DOCK1: variants seen among roughly 807,000 people sequenced by gnomAD.
The protein encoded by DOCK1 is dedicator of cytokinesis protein 1.
A neutral mutation model predicts 262.7 loss-of-function variants in DOCK1; 138 were observed. The observed-to-expected ratio is 0.53, with a 90% CI of 0.46 to 0.61. DOCK1 has a LOEUF of 0.61. DOCK1 is among the 20% of genes least tolerant of loss of function. The probability of loss-of-function intolerance (pLI) is 0.00; values close to 1 mark genes in which losing one functional copy is unlikely to be tolerated. For synonymous variants in DOCK1, 866 were observed against 867.4 expected, an observed-to-expected ratio of 1.00 and a Z score of 0.03; for missense variants, 1,908 against 2,370.7, an observed-to-expected ratio of 0.80 and a Z score of 4.05.
chr10:127,195,909 G>A (rs1274881852), intron 27 of DOCK1: 1 of 152,230 alleles, frequency 6.6e-6, no homozygotes, highest in East Asian at 1.9e-4. Context: ...CCGAATCGGG[G>A]TCGGCGCCCG....
intron 16 of DOCK1, among the ~76,000 whole-genome samples, chr10:127,026,972 G>A (rs982035304): frequency 2.0e-5 from 3 of 152,202 alleles, no homozygotes; most frequent in Admixed American, 6.5e-5. Context: ...ATCACATTTT[G>A]TTAAATTAAT....
intron 29 of DOCK1, among the ~76,000 whole-genome samples, chr10:127,336,761 A>C (rs55705512): frequency 1.1e-4 from 16 of 151,944 alleles, no homozygotes; most frequent in African/African-American, 1.9e-4. Flanking sequence ...GGATGGTCTC[A>C]ATCTCCTGAC....
chr10:126,963,648 T>C (rs1457610235), intron 1 of DOCK1, among the ~76,000 whole-genome samples: 1,129 of 63,260 alleles, frequency 0.018, 48 homozygotes, highest in East Asian at 0.069. Context: ...CCCTCCTTCC[T>C]TCCTTCCTTC....
intron 27 of DOCK1, among the ~76,000 whole-genome samples, chr10:127,173,307 C>T (rs2054755310): frequency 6.6e-6 from 1 of 152,126 alleles, no homozygotes; most frequent in African/African-American, 2.4e-5. Flanking sequence ...AGACATACAG[C>T]CCTTGCCCAA....
rs761104711 is a variant in DOCK1, at chr10:127,052,765, G to T, written c.2286G>T (p.Ala762=). The T allele has an allele frequency of 1.4e-5, 22 of 1,613,916 alleles. No homozygotes were observed. Among genetic ancestry groups the T allele is most frequent in the Non-Finnish European group, 1.7e-5 (20 of 1,179,874 alleles). ...VNEQLYKAMK[A]LESIFKFIVR... is the part of the protein sequence containing the mutation. ...AGCAGCTGTACAAAGCCATGAAAGC[G>T]CTAGAATCCATCTTCAAGTTCATCG... Residue 762 remains alanine (A), a synonymous_variant, in exon 22 of 52, where the codon GCG becomes GCT. Transcript: ENST00000623213.
chr10:127,370,995 T>C (rs998607735), intron 33 of DOCK1, among the ~76,000 whole-genome samples: 1 of 152,250 alleles, frequency 6.6e-6, no homozygotes, highest in African/African-American at 2.4e-5. Context: ...AAACCCTTGC[T>C]AATTTTATCC....
chr10:127,080,669 A>C (rs1385587703), intron 23 of DOCK1, among the ~76,000 whole-genome samples: 1 of 152,138 alleles, frequency 6.6e-6, no homozygotes, highest in African/African-American at 2.4e-5. Flanking sequence ...CTGGGTACTT[A>C]AAATTATCTA....
At chr10:127,396,041 G>A in intron 38 of DOCK1, among the ~76,000 whole-genome samples, 1 of 151,728 alleles carries the variant, frequency 6.6e-6, no homozygotes, top group Admixed American at 6.6e-5. Context: ...AAATGAGCAG[G>A]GTCACAGCTG....
intron 40 of DOCK1, among the ~76,000 whole-genome samples, chr10:127,405,587 A>G (rs2067473127): frequency 6.6e-6 from 1 of 152,150 alleles, no homozygotes; most frequent in African/African-American, 2.4e-5. Context: ...CCCTGGTTCC[A>G]GACGTTGTTC....
chr10:126,921,341 T>C lies in DOCK1; in HGVS notation c.46+15778T>C, dbSNP rs117035245. 6.2e-3 allele frequency among the ~76,000 whole-genome samples: 937 copies of C among 152,238 alleles called. 35 individuals carry two copies. The highest frequency in any genetic ancestry group is 0.053 in the Admixed American group (817 of 15,300). On this transcript the variant is annotated intron_variant, in intron 1 of 51. Coordinates refer to ENST00000623213, the MANE Select transcript of DOCK1 (RefSeq NM_001290223.2). The stretch of plus-strand genomic sequence containing the variant: ...ATAAACAAAACATGGTATGTCCCTA[T>C]AATGGAATATTATTCAGCCATGAAA...
chr10:127,198,686 A>G (rs565818827), intron 27 of DOCK1, among the ~76,000 whole-genome samples: 7 of 152,068 alleles, frequency 4.6e-5, no homozygotes, highest in East Asian at 3.9e-4. Flanking sequence ...GAGTTGTTCA[A>G]TTGTGTAGTA....
rs1163013458 is a variant in DOCK1 at position 127,175,711 on chromosome 10, T to C, written c.2847+47947T>C. 1 of 1,613,994 alleles carries C rather than the reference T, an allele frequency of 6.2e-7. No homozygotes were observed. Among genetic ancestry groups the C allele is most frequent in the Non-Finnish European group, 8.5e-7 (1 of 1,180,022 alleles). On this transcript the variant is annotated intron_variant, in intron 27 of 51. Coordinates refer to ENST00000623213, the MANE Select transcript of DOCK1 (RefSeq NM_001290223.2). The surrounding 1 kb of genome is among the most constrained non-coding windows in gnomAD (Gnocchi z 6.3). ...GAGTTTGGCCTCCCCCGGTCCTGCTTGGCCCTCCCGAGCAGCTGGTAATCG... is the reference window on the plus strand; with the variant it reads ...GAGTTTGGCCTCCCCCGGTCCTGCTCGGCCCTCCCGAGCAGCTGGTAATCG...
intron 27 of DOCK1, among the ~76,000 whole-genome samples, chr10:127,243,485 A>G (rs979462798): frequency 3.3e-5 from 5 of 151,724 alleles, no homozygotes; most frequent in Non-Finnish European, 7.4e-5. Context: ...CTTTCCTTCT[A>G]CCCAGCCTCA....
At chr10:127,338,419 A>G (rs2063290996) in intron 29 of DOCK1, among the ~76,000 whole-genome samples, 2 of 152,368 alleles carry the variant, frequency 1.3e-5, no homozygotes, top group Non-Finnish European at 1.5e-5. Context: ...AGAAATTAAA[A>G]TTTCTGAGAA....
chr10:126,984,511 T>C (rs1296920549), intron 4 of DOCK1, among the ~76,000 whole-genome samples: 3 of 151,338 alleles, frequency 2.0e-5, no homozygotes. Context: ...CATGCCCAGC[T>C]AATTTTTGTG....
chr10:127,289,379 G>T (rs1434899642), intron 29 of DOCK1, among the ~76,000 whole-genome samples: 1 of 152,184 alleles, frequency 6.6e-6, no homozygotes, highest in East Asian at 1.9e-4. Context: ...GCGTGTGATG[G>T]TTTTTCATCT....
chr10:127,381,350 C>G lies in DOCK1; in HGVS notation c.3789C>G (p.Leu1263=), dbSNP rs754335789. The G allele has an allele frequency of 9.9e-6, 16 of 1,611,540 alleles. No homozygotes were observed. The highest frequency in any genetic ancestry group is 1.4e-5 in the Non-Finnish European group (16 of 1,178,446). ...NYTEAAYTLL[L]HAKLLKWSED... ...CCGAAGCGGCTTACACCTTGCTTCTCCATGCAAAGCTTCTTAAGGTAATGT... is the reference window on the plus strand; with the variant it reads ...CCGAAGCGGCTTACACCTTGCTTCTGCATGCAAAGCTTCTTAAGGTAATGT... Residue 1263 remains leucine (L), a synonymous_variant, in exon 37 of 52, where the codon CTC becomes CTG. Coordinates refer to ENST00000623213, the MANE Select transcript of DOCK1 (RefSeq NM_001290223.2).
At chr10:127,149,359 T>A (rs915222027) in intron 27 of DOCK1, among the ~76,000 whole-genome samples, 2 of 152,128 alleles carry the variant, frequency 1.3e-5, no homozygotes, top group Non-Finnish European at 2.9e-5. Flanking sequence ...CTGGTGGTTT[T>A]CCCCCCGCCT....
intron 38 of DOCK1, among the ~76,000 whole-genome samples, chr10:127,388,834 C>T (rs916262266): frequency 1.3e-5 from 2 of 151,182 alleles, no homozygotes; most frequent in African/African-American, 2.4e-5. Flanking sequence ...TGAGTGTGAG[C>T]GGCACCCACG....
Sources: gnomAD v4.1 joint callset for allele counts (sites outside exome capture counted in the v4.1 genomes callset) on GRCh38, gnomAD v4.1.1 for gene constraint, Gnocchi (gnomAD v3.1) non-coding constraint, MANE v1.5 for transcripts, NCBI Gene and HGNC (gene_info 2026-07-23, HGNC 2026-07-21) for gene names.